Variants in OSBPL2 observed in about 807,000 individuals in gnomAD.
OSBPL2 encodes the protein oxysterol-binding protein-related protein 2.
In OSBPL2, 18 loss-of-function variants were observed where a neutral mutation model predicts 58.4. The ratio of observed to expected loss-of-function variants is 0.31; its 90% CI spans 0.21 to 0.46. OSBPL2 has a LOEUF of 0.46. OSBPL2 is among the 20% of genes least tolerant of loss of function. The pLI is 1.00. For synonymous variants in OSBPL2, 221 were observed against 234.1 expected, an observed-to-expected ratio of 0.94 and a Z score of 0.51; for missense variants, 461 against 616.5, an observed-to-expected ratio of 0.75 and a Z score of 2.67.
chr20:62,265,525 T>G (rs2145941410), intron 4 of OSBPL2, among the ~76,000 whole-genome samples: 1 of 152,310 alleles, frequency 6.6e-6, no homozygotes, highest in South Asian at 2.1e-4. Context: ...GGTAATGGTG[T>G]TTAGAAACCA....
At chr20:62,284,514 C>T (rs1982992575) in intron 10 of OSBPL2, 8 of 278,142 alleles carry the variant, frequency 2.9e-5, no homozygotes, top group Non-Finnish European at 5.6e-5. Context: ...GTGGCTAGGA[C>T]TATAGGCATG....
chr20:62,247,239 G>A (rs1980182855), intron 1 of OSBPL2, among the ~76,000 whole-genome samples: 1 of 152,344 alleles, frequency 6.6e-6, no homozygotes, highest in South Asian at 2.1e-4. Flanking sequence ...GTCGGCTTGA[G>A]TGAGTGCAGG....
At chr20:62,240,780 T>A (rs1201085028) in intron 1 of OSBPL2, among the ~76,000 whole-genome samples, 2 of 152,224 alleles carry the variant, frequency 1.3e-5, no homozygotes, top group Non-Finnish European at 1.5e-5. Context: ...ACAAAGCCAT[T>A]TCATTTTTTC....
intron 13 of OSBPL2, among the ~76,000 whole-genome samples, chr20:62,293,345 A>G (rs1983652090): frequency 6.6e-6 from 1 of 151,904 alleles, no homozygotes; most frequent in African/African-American, 2.4e-5. Context: ...CAGCGCCAAC[A>G]CTCAGGCCCT....
At chr20:62,290,543 G>A (rs1601204600) in intron 12 of OSBPL2, among the ~76,000 whole-genome samples, 1 of 143,766 alleles carries the variant, frequency 7.0e-6, no homozygotes, top group South Asian at 2.3e-4. Context: ...CAGCCTCCCC[G>A]AGTAGCTGGG....
At chr20:62,273,748 A>G (rs1039684055) in intron 6 of OSBPL2, among the ~76,000 whole-genome samples, 1 of 152,212 alleles carries the variant, frequency 6.6e-6, no homozygotes, top group African/African-American at 2.4e-5. Flanking sequence ...GAAAATGGAA[A>G]TAGGTACTAA....
chr20:62,264,741 G>T (rs1981560393), intron 4 of OSBPL2: 2 of 152,190 alleles, frequency 1.3e-5, no homozygotes, highest in South Asian at 4.1e-4. Flanking sequence ...AGCAAGAAAT[G>T]CATCTTAGCT....
chr20:62,272,335 G>T, intron 5 of OSBPL2, 76 bp downstream of exon 5: 1 of 1,546,566 alleles, frequency 6.5e-7, no homozygotes, highest in Non-Finnish European at 8.8e-7. Context: ...ACAGTCTTGG[G>T]GCCCCAGGCA....
At position 62,278,698 on chromosome 20, in the gene OSBPL2, G is replaced by A. The variant is rs534980931; in HGVS notation, c.492-459G>A. 55 of 166,266 alleles carry A rather than the reference G, an allele frequency of 3.3e-4. 1 individual carries two copies. The highest frequency in any genetic ancestry group is 1.6e-3 in the African/African-American group (52 of 32,876). The allele number at this position is 166,266 out of a possible 1,614,324, so 10.3% of individuals were successfully genotyped here. A position where few individuals can be genotyped will look rare whatever the true frequency, so the allele number is the denominator to read the frequency against. On this transcript the variant is annotated intron_variant, in intron 6 of 13. Coordinates refer to ENST00000313733, the MANE Select transcript of OSBPL2 (RefSeq NM_144498.4). ...TGCAATGTCATGTTTGTGTGTGTGT[G>A]TCTGTTGCCAACATTAGGCCAAGTG... is the stretch of plus-strand genomic sequence containing the variant.
intron 1 of OSBPL2, among the ~76,000 whole-genome samples, chr20:62,243,863 A>AT (rs11204468): frequency 1 from 151,077 of 151,478 alleles, 75,340 homozygotes; most frequent in East Asian, 1. Flanking sequence ...TTAAAAAAAA[A>AT]TTTTTTTTGC....
At chr20:62,251,188 C>A (rs751035575) in intron 1 of OSBPL2, among the ~76,000 whole-genome samples, 2 of 150,888 alleles carry the variant, frequency 1.3e-5, no homozygotes, top group Non-Finnish European at 3.0e-5. Flanking sequence ...GGACTACAGG[C>A]GCCTGCCACT....
intron 1 of OSBPL2, among the ~76,000 whole-genome samples, chr20:62,244,755 G>A (rs999379025): frequency 6.6e-6 from 1 of 152,230 alleles, no homozygotes; most frequent in East Asian, 1.9e-4. Flanking sequence ...TCCGCTTCCG[G>A]GACGTCGGGC....
chr20:62,283,328 G>T (rs1260858585), intron 9 of OSBPL2, among the ~76,000 whole-genome samples: 1 of 152,208 alleles, frequency 6.6e-6, no homozygotes, highest in African/African-American at 2.4e-5. Flanking sequence ...TGCTGGCTCT[G>T]CAGGCACTGC....
chr20:62,241,547 C>T (rs541066191), intron 1 of OSBPL2, among the ~76,000 whole-genome samples: 1 of 152,394 alleles, frequency 6.6e-6, no homozygotes, highest in South Asian at 2.1e-4. Flanking sequence ...CAAGCCATGT[C>T]TTGTCTGGCC....
At chr20:62,290,542 C>T (rs1208673885) in intron 12 of OSBPL2, among the ~76,000 whole-genome samples, 3 of 151,160 alleles carry the variant, frequency 2.0e-5, no homozygotes, top group Non-Finnish European at 1.5e-5. Flanking sequence ...TCAGCCTCCC[C>T]GAGTAGCTGG....
At chr20:62,264,082 GAAA>G (rs1271707870) in intron 4 of OSBPL2, among the ~76,000 whole-genome samples, 3 of 135,054 alleles carry the variant, frequency 2.2e-5, no homozygotes, top group Non-Finnish European at 3.2e-5. Context: ...AAAAAAAAAA[GAAA>G]AAAAATGCAC....
intron 10 of OSBPL2, 77 bp from the exon 11 acceptor site, chr20:62,286,506 C>T (rs531276739): frequency 3.5e-4 from 529 of 1,512,672 alleles, no homozygotes; most frequent in Admixed American, 8.8e-4. Context: ...GTCTGAAAGG[C>T]GCTCTGAGAA....
chr20:62,269,234 C>T lies in OSBPL2; in HGVS notation c.259-2891C>T, dbSNP rs1483875467. 6.6e-6 allele frequency among the ~76,000 whole-genome samples: 1 copy of T among 152,180 alleles called. No homozygotes were observed. Among genetic ancestry groups the T allele is most frequent in the Non-Finnish European group, 1.5e-5 (1 of 68,040 alleles). Reference sequence around the variant, plus strand: ...GAATCTTTTAATGGCGCGGCGCTCCCTCACATGGCTGCCACCTAGCTTATT... The same window carrying T: ...GAATCTTTTAATGGCGCGGCGCTCCTTCACATGGCTGCCACCTAGCTTATT... On this transcript the variant is annotated intron_variant, in intron 4 of 13. Transcript: ENST00000313733. This position sits in a 1 kb window ranked among gnomAD's most constrained non-coding sequence, Gnocchi z 4.2.
intron 4 of OSBPL2, among the ~76,000 whole-genome samples, chr20:62,268,472 G>A (rs776482243): frequency 2.6e-5 from 4 of 152,230 alleles, no homozygotes; most frequent in Non-Finnish European, 4.4e-5. Flanking sequence ...GCGTCACACA[G>A]CTGATTCTAC....
Sources: allele counts gnomAD v4.1 joint callset (sites outside exome capture counted in the v4.1 genomes callset), GRCh38; gene constraint gnomAD v4.1.1; non-coding constraint Gnocchi (gnomAD v3.1); transcripts MANE v1.5; gene names NCBI Gene and HGNC (gene_info 2026-07-23, HGNC 2026-07-21).